The following C1orf21 variants were observed in gnomAD, a reference collection of about 807,000 sequenced individuals.
C1orf21 encodes the protein chromosome 1 open reading frame 21.
A neutral mutation model predicts 18.7 loss-of-function variants in C1orf21; 3 were observed. The observed-to-expected ratio is 0.16, with a 90% CI of 0.07 to 0.42. C1orf21 has a LOEUF of 0.42. C1orf21 is among the 10% of genes least tolerant of loss of function. The pLI, the probability that C1orf21 is intolerant of heterozygous loss-of-function variation, is 0.99. For synonymous variants in C1orf21, 41 were observed against 46.4 expected, an observed-to-expected ratio of 0.88 and a Z score of 0.47; for missense variants, 104 against 143.6, an observed-to-expected ratio of 0.72 and a Z score of 1.41.
At chr1:184,477,655 T>C in intron 2 of C1orf21, 52 bp downstream of exon 2, 1 of 1,415,522 alleles carries the variant, frequency 7.1e-7, no homozygotes, top group South Asian at 1.2e-5. Context: ...GCCTTTCACT[T>C]TTTTTTATTG....
intron 2 of C1orf21, among the ~76,000 whole-genome samples, chr1:184,505,796 A>C (rs1342545818): frequency 6.6e-6 from 1 of 152,034 alleles, no homozygotes; most frequent in Non-Finnish European, 1.5e-5. Flanking sequence ...TATTAAGAGT[A>C]ATTATCTCAG....
intron 2 of C1orf21, among the ~76,000 whole-genome samples, chr1:184,505,667 G>A (rs1658050266): frequency 6.6e-6 from 1 of 151,960 alleles, no homozygotes; most frequent in African/African-American, 2.4e-5. Flanking sequence ...GGAGGCTGAG[G>A]CAGGAGAATT....
intron 2 of C1orf21, among the ~76,000 whole-genome samples, chr1:184,488,588 A>T (rs1657767398): frequency 6.6e-6 from 1 of 152,212 alleles, no homozygotes; most frequent in African/African-American, 2.4e-5. Flanking sequence ...GTTATTTGTG[A>T]TTATAATATT....
chr1:184,514,383 T>C (rs1658193787), intron 3 of C1orf21, among the ~76,000 whole-genome samples: 2 of 152,236 alleles, frequency 1.3e-5, no homozygotes, highest in Non-Finnish European at 2.9e-5. Flanking sequence ...ACTCACTAGA[T>C]TGTTTAATTA....
At chr1:184,606,797 T>C (rs962057681) in intron 5 of C1orf21, among the ~76,000 whole-genome samples, 4 of 152,136 alleles carry the variant, frequency 2.6e-5, no homozygotes, top group Non-Finnish European at 4.4e-5. Flanking sequence ...TTCTTGTCTT[T>C]AGGGAGCCTC....
chr1:184,593,698 G>A (rs1659476018), intron 4 of C1orf21, among the ~76,000 whole-genome samples: 1 of 152,184 alleles, frequency 6.6e-6, no homozygotes, highest in African/African-American at 2.4e-5. Flanking sequence ...CTGGCACTTG[G>A]TAAAAATGCC....
At chr1:184,499,908 T>C (rs1284407539) in intron 2 of C1orf21, among the ~76,000 whole-genome samples, 1 of 152,180 alleles carries the variant, frequency 6.6e-6, no homozygotes, top group Admixed American at 6.5e-5. Context: ...ATAACAGGAA[T>C]CCTGCTAGGA....
At chr1:184,548,473 G>A (rs1385083306) in intron 3 of C1orf21, among the ~76,000 whole-genome samples, 4 of 144,606 alleles carry the variant, frequency 2.8e-5, no homozygotes, top group African/African-American at 7.7e-5. Flanking sequence ...GGAGTGCAGC[G>A]GCGCGATCTC....
In C1orf21 at chr1:184,620,958, G is replaced by GC. The variant is rs1056252945; in HGVS notation, c.*1404dup. On this transcript the variant is annotated 3_prime_UTR_variant, in exon 6 of 6. Transcript: ENST00000235307. ...GGGAGGGCATCCTATTAAATGCCAC[G>GC]CCAGCAGTCCGGGTCTGGGTTTGTC... The GC allele has an allele frequency of 1.3e-5, 2 of 152,294 alleles. No individual in the cohort carries two copies. Among genetic ancestry groups the GC allele is most frequent in the African/African-American group, 2.4e-5 (1 of 41,242 alleles). 9.4% of individuals were successfully genotyped at this position (152,294 alleles called of 1,614,324 possible).
At chr1:184,516,296 TAAAACAAAC>T (rs1221784393) in intron 3 of C1orf21, among the ~76,000 whole-genome samples, 2 of 116,616 alleles carry the variant, frequency 1.7e-5, no homozygotes, top group Non-Finnish European at 3.5e-5. Context: ...ATGACAAAAT[TAAAACAAAC>T]AAAACAGGGT....
chr1:184,434,712 A>G (rs914455638), intron 1 of C1orf21, among the ~76,000 whole-genome samples: 1 of 152,164 alleles, frequency 6.6e-6, no homozygotes, highest in Non-Finnish European at 1.5e-5. Flanking sequence ...TCCAAAGAAG[A>G]GTTGAGATGA....
intron 5 of C1orf21, among the ~76,000 whole-genome samples, chr1:184,610,879 C>T (rs1393372022): frequency 6.6e-6 from 1 of 151,648 alleles, no homozygotes; most frequent in Non-Finnish European, 1.5e-5. Flanking sequence ...CTAAAATATC[C>T]TCCTTACTGT....
chr1:184,593,483 A>C (rs538366881), intron 4 of C1orf21, among the ~76,000 whole-genome samples: 6 of 152,318 alleles, frequency 3.9e-5, no homozygotes, highest in African/African-American at 1.4e-4. Flanking sequence ...GTGGAAGGAC[A>C]ATCCCATACC....
At chr1:184,460,020 C>A (rs931924492) in intron 1 of C1orf21, among the ~76,000 whole-genome samples, 2 of 152,192 alleles carry the variant, frequency 1.3e-5, no homozygotes, top group Non-Finnish European at 2.9e-5. Flanking sequence ...TTCTTCAGGG[C>A]CTTCCCCACA....
intron 2 of C1orf21, among the ~76,000 whole-genome samples, chr1:184,504,240 C>T (rs551981927): frequency 2.4e-4 from 37 of 152,254 alleles, no homozygotes; most frequent in Admixed American, 7.8e-4. Context: ...ACAAGATCAA[C>T]AGGAAGAAAA....
intron 4 of C1orf21, among the ~76,000 whole-genome samples, chr1:184,597,966 TCATGCTGATACTGATA>T (rs1659538868): frequency 6.6e-6 from 1 of 152,194 alleles, no homozygotes; most frequent in Non-Finnish European, 1.5e-5. Context: ...CAGCTGGAGA[TCATGCTGATACTGATA>T]ACCTTTGTAA....
At chr1:184,470,636 T>C (rs1657480579) in intron 1 of C1orf21, among the ~76,000 whole-genome samples, 1 of 152,120 alleles carries the variant, frequency 6.6e-6, no homozygotes, top group Admixed American at 6.5e-5. Context: ...CCCAGTACTT[T>C]GGGAGGCCAA....
At chr1:184,615,727 C>A (rs1013867757) in intron 5 of C1orf21, among the ~76,000 whole-genome samples, 2 of 152,170 alleles carry the variant, frequency 1.3e-5, no homozygotes, top group East Asian at 1.9e-4. Context: ...CAGATGGGGT[C>A]CCCTGTGATG....
intron 5 of C1orf21, among the ~76,000 whole-genome samples, chr1:184,612,167 C>T (rs965432791): frequency 2.0e-5 from 3 of 152,096 alleles, no homozygotes; most frequent in African/African-American, 2.4e-5. Flanking sequence ...GGTAAAGGAG[C>T]GGAGGAAAAA....
Sources: gnomAD v4.1 joint callset for allele counts (sites outside exome capture counted in the v4.1 genomes callset) on GRCh38, gnomAD v4.1.1 for gene constraint, MANE v1.5 for transcripts, NCBI Gene and HGNC (gene_info 2026-07-23, HGNC 2026-07-21) for gene names.